Variants in DPP4 observed in about 807,000 individuals in gnomAD.
The protein encoded by DPP4 is dipeptidyl peptidase 4.
DPP4 carries 93 observed loss-of-function variants against 122.4 expected under a neutral mutation model. The ratio of observed to expected loss-of-function variants is 0.76; its 90% CI spans 0.64 to 0.90. DPP4 has a LOEUF of 0.90. DPP4 is among the 40% of genes least tolerant of loss of function. DPP4 has a pLI of 0.00. For synonymous variants in DPP4, 321 were observed against 302.9 expected (o/e 1.06, Z -0.62); for missense variants, 914 against 907.3 (o/e 1.01, Z -0.09).
intron 23 of DPP4, among the ~76,000 whole-genome samples, chr2:161,998,573 A>G (rs1463325104): frequency 6.6e-6 from 1 of 152,204 alleles, no homozygotes; most frequent in African/African-American, 2.4e-5. Flanking sequence ...GAGCCATGAA[A>G]CTGAGAAATG....
At chr2:162,041,240 G>A (rs1167752141) in intron 5 of DPP4, among the ~76,000 whole-genome samples, 2 of 151,980 alleles carry the variant, frequency 1.3e-5, no homozygotes. Context: ...AAAAATTAAA[G>A]GTATTTTCAA....
At chr2:162,048,863 T>A (rs2106137475) in intron 2 of DPP4, among the ~76,000 whole-genome samples, 1 of 152,314 alleles carries the variant, frequency 6.6e-6, no homozygotes. Context: ...TGCTGTTTGT[T>A]CGTTTTAATT....
At chr2:162,033,454 G>T in intron 10 of DPP4, 87 bp downstream of exon 10, 2 of 915,946 alleles carry the variant, frequency 2.2e-6, no homozygotes, top group Non-Finnish European at 3.4e-6. Context: ...GGGAGGCTGT[G>T]ATCCACTTTG....
chr2:162,030,189 A>G (rs1683492866), intron 10 of DPP4, among the ~76,000 whole-genome samples: 1 of 152,198 alleles, frequency 6.6e-6, no homozygotes, highest in Non-Finnish European at 1.5e-5. Context: ...TGAGCTTTCC[A>G]GTTCTCATTA....
intron 8 of DPP4, 51 bp downstream of exon 8, chr2:162,038,251 A>G (rs1391937172): frequency 2.0e-6 from 3 of 1,470,380 alleles, no homozygotes; most frequent in Admixed American, 2.5e-5. Context: ...ACATTTAACT[A>G]TTTTAAAAGC....
At position 162,072,776 on chromosome 2, in the gene DPP4, A is replaced by T. The variant is rs574508664; in HGVS notation, c.94+623T>A. On this transcript the variant is annotated intron_variant, in intron 2 of 25. Coordinates refer to ENST00000360534, the MANE Select transcript of DPP4 (RefSeq NM_001935.4). The stretch of plus-strand genomic sequence containing the variant: ...CTTAAATAAAAGAATCCACCAAAAC[A>T]TCACTGATTCCAGACCCTTCTTAAA... 1.5e-3 allele frequency among the ~76,000 whole-genome samples: 223 copies of T among 152,328 alleles called. 1 individual carries two copies. Among genetic ancestry groups the T allele is most frequent in the African/African-American group, 5.1e-3 (214 of 41,582 alleles).
intron 20 of DPP4, among the ~76,000 whole-genome samples, chr2:162,010,783 T>A (rs1365377961): frequency 1.3e-5 from 2 of 152,318 alleles, no homozygotes; most frequent in Admixed American, 1.3e-4. Flanking sequence ...TAAAAGAGAA[T>A]TTCTTTCCTC....
In DPP4 at chr2:162,022,813, G is replaced by C; in HGVS notation, c.1024-14C>G. On this transcript the variant is annotated splice_polypyrimidine_tract_variant and intron_variant, in intron 11 of 25. Coordinates refer to ENST00000360534, the MANE Select transcript of DPP4 (RefSeq NM_001935.4). ...GTGTTGCCGTGCCTAGGAAGGGAAAGAGACAATGACAGCATTTCAAAGAGA... is the reference window on the plus strand; with the variant it reads ...GTGTTGCCGTGCCTAGGAAGGGAAACAGACAATGACAGCATTTCAAAGAGA... 1 of 1,613,892 alleles carries C rather than the reference G, an allele frequency of 6.2e-7. No homozygotes were observed. Among genetic ancestry groups the C allele is most frequent in the Non-Finnish European group, 8.5e-7 (1 of 1,179,958 alleles).
chr2:162,028,087 T>C (rs990568254), intron 10 of DPP4, among the ~76,000 whole-genome samples: 2 of 147,072 alleles, frequency 1.4e-5, no homozygotes, highest in South Asian at 2.1e-4. Context: ...AACTGCCAGG[T>C]GCAGTGACTC....
intron 9 of DPP4, among the ~76,000 whole-genome samples, chr2:162,034,242 G>C (rs1683683614): frequency 6.6e-6 from 1 of 152,030 alleles, no homozygotes; most frequent in Non-Finnish European, 1.5e-5. Context: ...TATACACATA[G>C]ATCTTCGATT....
intron 5 of DPP4, among the ~76,000 whole-genome samples, chr2:162,044,578 G>A (rs1684108826): frequency 6.6e-6 from 1 of 152,110 alleles, no homozygotes; most frequent in Admixed American, 6.6e-5. Context: ...TTTGTATTTT[G>A]CTTGCAATAC....
At chr2:161,995,397 T>A in intron 23 of DPP4, 25 bp from the exon 24 acceptor site, 1 of 1,598,900 alleles carries the variant, frequency 6.3e-7, no homozygotes, top group Non-Finnish European at 8.6e-7. Context: ...AAGAATGTCA[T>A]TATTCAAAAA....
At chr2:162,006,258 T>C (rs1358220047) in intron 22 of DPP4, among the ~76,000 whole-genome samples, 1 of 152,172 alleles carries the variant, frequency 6.6e-6, no homozygotes, top group Non-Finnish European at 1.5e-5. Flanking sequence ...AATGCCTCAA[T>C]TGTGTTGAAA....
intron 2 of DPP4, among the ~76,000 whole-genome samples, chr2:162,067,062 T>TAGCC (rs1446081313): frequency 0.042 from 6,347 of 151,936 alleles, 462 homozygotes; most frequent in African/African-American, 0.14. Flanking sequence ...AAGCATTCAA[T>TAGCC]ATATGTTTTT....
chr2:162,047,325 G>T, intron 3 of DPP4, 78 bp downstream of exon 3: 1 of 789,726 alleles, frequency 1.3e-6, no homozygotes, highest in Non-Finnish European at 2.0e-6. Context: ...CCTCTTCTCA[G>T]TGCCATAAAA....
intron 20 of DPP4, among the ~76,000 whole-genome samples, chr2:162,011,491 C>T (rs1682705233): frequency 6.6e-6 from 1 of 152,120 alleles, no homozygotes; most frequent in African/African-American, 2.4e-5. Context: ...AGTTTGTCCC[C>T]GAGTCTGATG....
intron 2 of DPP4, among the ~76,000 whole-genome samples, chr2:162,072,537 T>A (rs1344951195): frequency 6.6e-6 from 1 of 152,230 alleles, no homozygotes; most frequent in Non-Finnish European, 1.5e-5. Context: ...GCACTGACTA[T>A]ACATTCCTCA....
At chr2:162,034,491 A>G (rs1683693409) in intron 9 of DPP4, among the ~76,000 whole-genome samples, 1 of 152,178 alleles carries the variant, frequency 6.6e-6, no homozygotes, top group Non-Finnish European at 1.5e-5. Flanking sequence ...TTTCTTACAG[A>G]AAAAACACTT....
intron 8 of DPP4, 116 bp from the exon 9 acceptor site, chr2:162,035,440 A>G: frequency 1.1e-6 from 1 of 885,120 alleles, no homozygotes; most frequent in East Asian, 2.7e-5. Context: ...CTAATGAACC[A>G]CTTTGCATTT....
Sources: allele counts gnomAD v4.1 joint callset (sites outside exome capture counted in the v4.1 genomes callset), GRCh38; gene constraint gnomAD v4.1.1; transcripts MANE v1.5; gene names NCBI Gene and HGNC (gene_info 2026-07-23, HGNC 2026-07-21).